Variants in COTL1 observed in about 807,000 individuals in gnomAD.
The protein encoded by COTL1 is coactosin-like protein.
In COTL1, 15 loss-of-function variants were observed where a neutral mutation model predicts 16.5. The ratio of observed to expected loss-of-function variants is 0.91; its 90% CI spans 0.61 to 1.40. COTL1 has a LOEUF of 1.40. Ranked by LOEUF, COTL1 falls within the 40% of genes most tolerant of loss-of-function variation. COTL1 has a pLI of 0.00. For missense variants in COTL1, 220 were observed against 201.5 expected (o/e 1.09, Z -0.56); for synonymous variants, 112 against 85.3 (o/e 1.31, Z -1.73).
At chr16:84,587,457 C>T (rs1904759484) in intron 3 of COTL1, among the ~76,000 whole-genome samples, 1 of 152,110 alleles carries the variant, frequency 6.6e-6, no homozygotes, top group African/African-American at 2.4e-5. Flanking sequence ...TTGGTTGGAA[C>T]ATTCTTTATA....
At chr16:84,614,489 C>T (rs946465105) in intron 2 of COTL1, among the ~76,000 whole-genome samples, 1 of 145,078 alleles carries the variant, frequency 6.9e-6, no homozygotes, top group African/African-American at 2.6e-5. Context: ...TCTGGAAAGC[C>T]GTGGGGGAGG....
intron 2 of COTL1, among the ~76,000 whole-genome samples, chr16:84,612,248 T>C (rs1905346250): frequency 1.3e-5 from 2 of 152,162 alleles, no homozygotes; most frequent in African/African-American, 4.8e-5. Context: ...AGCACATGAA[T>C]GGCAGGTATT....
chr16:84,596,019 G>T (rs1681229565), intron 2 of COTL1: 1 of 152,164 alleles, frequency 6.6e-6, no homozygotes, highest in Non-Finnish European at 1.5e-5. Flanking sequence ...CCAGAAGAAG[G>T]TTGGTACCTG....
chr16:84,567,697 A>G (rs892936994), intron 3 of COTL1: 1 of 152,356 alleles, frequency 6.6e-6, no homozygotes, highest in Non-Finnish European at 1.5e-5. Context: ...GGATGCAGTC[A>G]GTCTTTCCTC....
chr16:84,583,282 T>C (rs1597172145), intron 3 of COTL1, among the ~76,000 whole-genome samples: 1 of 152,158 alleles, frequency 6.6e-6, no homozygotes, highest in Non-Finnish European at 1.5e-5. Flanking sequence ...GGACAAATGA[T>C]TTAATACACG....
intron 3 of COTL1, among the ~76,000 whole-genome samples, chr16:84,580,456 G>T (rs1723542328): frequency 6.6e-6 from 1 of 151,996 alleles, no homozygotes; most frequent in Admixed American, 6.6e-5. Context: ...TCACTATATT[G>T]CCCAGGCTGG....
intron 2 of COTL1, chr16:84,594,795 T>G (rs2914836): frequency 0.63 from 95,413 of 152,084 alleles, 30,661 homozygotes; most frequent in Non-Finnish European, 0.7. Context: ...GTTCAGCCCA[T>G]GGCCAAGGCT....
chr16:84,581,582 C>T (rs1904594789), intron 3 of COTL1, among the ~76,000 whole-genome samples: 1 of 152,194 alleles, frequency 6.6e-6, no homozygotes, highest in Non-Finnish European at 1.5e-5. Flanking sequence ...CGGCTCACTC[C>T]AACCTCTTCC....
chr16:84,600,415 C>T (rs1905085051), intron 2 of COTL1, among the ~76,000 whole-genome samples: 1 of 150,978 alleles, frequency 6.6e-6, no homozygotes, highest in African/African-American at 2.4e-5. Context: ...TGGGTTCAAG[C>T]GATTCTCCTG....
chr16:84,570,219 T>C (rs973251892), intron 3 of COTL1, among the ~76,000 whole-genome samples: 1 of 152,216 alleles, frequency 6.6e-6, no homozygotes, highest in Non-Finnish European at 1.5e-5. Flanking sequence ...GAAATGGCAG[T>C]GAGCCAAGAT....
intron 2 of COTL1, among the ~76,000 whole-genome samples, chr16:84,606,018 C>A (rs1353069339): frequency 6.6e-6 from 1 of 152,166 alleles, no homozygotes; most frequent in Non-Finnish European, 1.5e-5. Context: ...TGAAGAAAAG[C>A]GTGATGACCA....
At chr16:84,598,118 C>T (rs1163137876) in intron 2 of COTL1, among the ~76,000 whole-genome samples, 1 of 152,188 alleles carries the variant, frequency 6.6e-6, no homozygotes. Context: ...GCACTCAGAG[C>T]CCAGGCCAAT....
At chr16:84,603,789 T>G (rs1308642596) in intron 2 of COTL1, among the ~76,000 whole-genome samples, 1 of 151,910 alleles carries the variant, frequency 6.6e-6, no homozygotes, top group Non-Finnish European at 1.5e-5. Flanking sequence ...AATAAGACCC[T>G]GCCCAGCTGG....
intron 3 of COTL1, among the ~76,000 whole-genome samples, chr16:84,586,007 C>G (rs558313411): frequency 1.3e-5 from 2 of 152,148 alleles, no homozygotes; most frequent in South Asian, 4.1e-4. Context: ...CCTCCCTGCC[C>G]AAAGGCGTGT....
chr16:84,589,587 C>G (rs13380639), intron 3 of COTL1, among the ~76,000 whole-genome samples: 2 of 152,118 alleles, frequency 1.3e-5, no homozygotes, highest in African/African-American at 4.8e-5. Flanking sequence ...TTCAGATTTT[C>G]TTTTCTCAAC....
At chr16:84,598,492 A>G (rs943024082) in intron 2 of COTL1, among the ~76,000 whole-genome samples, 2 of 152,126 alleles carry the variant, frequency 1.3e-5, no homozygotes, top group Non-Finnish European at 2.9e-5. Context: ...CGCCTGGCGC[A>G]GAGCTGTGAA....
rs188520095 is a variant in COTL1 at position 84,605,408 on chromosome 16, C to T, written c.160+12093G>A. Among the ~76,000 whole-genome samples, 9 of 152,346 alleles carry T rather than the reference C, an allele frequency of 5.9e-5. No individual in the cohort carries two copies. The East Asian group carries it at 9.6e-4, about 16-fold the overall frequency. ...CAAGTGACTGCGGCAGGCAAAACAA[C>T]GGCCCCTAAGACATCTATGTCCTAA... is the stretch of plus-strand genomic sequence containing the variant. On this transcript the variant is annotated intron_variant, in intron 2 of 3. Transcript: ENST00000262428.
rs199775217 is a variant in COTL1, at chr16:84,566,831, G to A, written c.*14C>T. ...AGATGACTTTGGCAAGGGGTGGTGT[G>A]GCGGGGGCTGGGGTTACTCCGTCTG... On this transcript the variant is annotated 3_prime_UTR_variant, in exon 4 of 4. Coordinates refer to ENST00000262428, the MANE Select transcript of COTL1 (RefSeq NM_021149.5). 41 of 1,528,822 alleles carry A rather than the reference G, an allele frequency of 2.7e-5. No homozygotes were observed. The highest frequency in any genetic ancestry group is 3.5e-5 in the Non-Finnish European group (40 of 1,127,430). 94.7% of individuals were successfully genotyped at this position (1,528,822 alleles called of 1,614,324 possible).
chr16:84,577,173 G>T (rs1230727852), intron 3 of COTL1: 3 of 152,234 alleles, frequency 2.0e-5, no homozygotes, highest in Admixed American at 2.0e-4. Flanking sequence ...AAAGACCGAG[G>T]TTTTAAAAAC....
Sources: allele counts gnomAD v4.1 joint callset (sites outside exome capture counted in the v4.1 genomes callset), GRCh38; gene constraint gnomAD v4.1.1; transcripts MANE v1.5; gene names NCBI Gene and HGNC (gene_info 2026-07-23, HGNC 2026-07-21).